GALNT13: variants seen among roughly 807,000 people sequenced by gnomAD.
GALNT13 encodes the protein UDP-GalNAc:polypeptide N-acetylgalactosaminyltransferase 13.
In GALNT13, 28 loss-of-function variants were observed where a neutral mutation model predicts 64.2. The observed-to-expected ratio is 0.44, with a 90% CI of 0.32 to 0.60. GALNT13 has a LOEUF of 0.60. GALNT13 is among the 20% of genes least tolerant of loss of function. The pLI is 0.05. For missense variants in GALNT13, 577 were observed against 669.8 expected, an observed-to-expected ratio of 0.86 and a Z score of 1.53; for synonymous variants, 214 against 224.6, an observed-to-expected ratio of 0.95 and a Z score of 0.42.
At chr2:154,298,725 T>TAA (rs1429511931) in intron 8 of GALNT13, among the ~76,000 whole-genome samples, 16 of 97,900 alleles carry the variant, frequency 1.6e-4, no homozygotes, top group African/African-American at 5.9e-4. Context: ...ATAAATTATA[T>TAA]TATTTATATA....
chr2:153,217,026 T>C, the GALNT13 span, among the ~76,000 whole-genome samples: 1 of 152,042 alleles, frequency 6.6e-6, no homozygotes, highest in African/African-American at 2.4e-5. Context: ...TTTGTGCATA[T>C]GAATAGCCAA....
the GALNT13 span, among the ~76,000 whole-genome samples, chr2:153,610,875 TGAAA>T: frequency 1.2e-4 from 18 of 151,988 alleles, 1 homozygote; most frequent in Admixed American, 9.8e-4. Context: ...ATTGTTTCAA[TGAAA>T]GAAAGAAGGA....
intron 8 of GALNT13, among the ~76,000 whole-genome samples, chr2:154,291,996 TGTCG>T (rs1692670853): frequency 6.6e-6 from 1 of 152,220 alleles, no homozygotes; most frequent in South Asian, 2.1e-4. Flanking sequence ...GCACTTTATG[TGTCG>T]TACAAGCAAG....
intron 3 of GALNT13, among the ~76,000 whole-genome samples, chr2:154,016,607 G>A (rs1216882356): frequency 6.6e-6 from 1 of 151,960 alleles, no homozygotes; most frequent in African/African-American, 2.4e-5. Flanking sequence ...TAGTAGAGAC[G>A]AGGTTTCACC....
the GALNT13 span, among the ~76,000 whole-genome samples, chr2:153,083,653 T>C: frequency 1.3e-5 from 2 of 152,164 alleles, no homozygotes; most frequent in Non-Finnish European, 2.9e-5. Flanking sequence ...TTGTCAGATG[T>C]ATGGTTAGTG....
intron 1 of GALNT13, among the ~76,000 whole-genome samples, chr2:153,885,158 C>A (rs1687087504): frequency 6.6e-6 from 1 of 152,024 alleles, no homozygotes; most frequent in Non-Finnish European, 1.5e-5. Flanking sequence ...ATAGGTCTAT[C>A]ATTTTATTGA....
chr2:153,187,043 A>G, the GALNT13 span, among the ~76,000 whole-genome samples: 4 of 152,264 alleles, frequency 2.6e-5, no homozygotes, highest in South Asian at 2.1e-4. Context: ...AGTAGAAAAT[A>G]TGAATGATGC....
chr2:153,112,950 T>C, the GALNT13 span, among the ~76,000 whole-genome samples: 1 of 152,204 alleles, frequency 6.6e-6, no homozygotes, highest in East Asian at 1.9e-4. Flanking sequence ...TGATCTGCAA[T>C]TGAAAATTGC....
intron 7 of GALNT13, among the ~76,000 whole-genome samples, chr2:154,258,355 G>A (rs377737727): frequency 3.9e-5 from 6 of 152,140 alleles, no homozygotes; most frequent in African/African-American, 1.4e-4. Flanking sequence ...TCCCTTCGAA[G>A]TGTCCTTTCA....
At chr2:153,386,696 G>A in the GALNT13 span, among the ~76,000 whole-genome samples, 4 of 152,020 alleles carry the variant, frequency 2.6e-5, no homozygotes, top group African/African-American at 9.7e-5. Context: ...TGGGGGCCAG[G>A]TCAATAAGTT....
chr2:153,991,769 C>T (rs17619192), intron 3 of GALNT13, among the ~76,000 whole-genome samples: 10,590 of 152,068 alleles, frequency 0.07, 434 homozygotes, highest in Middle Eastern at 0.13. Context: ...GGTTGTGTCA[C>T]CATCAAGAAA....
chr2:153,728,530 T>C, the GALNT13 span, among the ~76,000 whole-genome samples: 1 of 152,062 alleles, frequency 6.6e-6, no homozygotes. Flanking sequence ...TAAATGCCCA[T>C]ATCAGAAAGC....
At chr2:153,763,709 G>A in the GALNT13 span, among the ~76,000 whole-genome samples, 2 of 152,146 alleles carry the variant, frequency 1.3e-5, no homozygotes, top group African/African-American at 2.4e-5. Context: ...AGGAACTAGT[G>A]GGGTACTGCT....
At chr2:153,649,074 G>A in the GALNT13 span, among the ~76,000 whole-genome samples, 3 of 152,262 alleles carry the variant, frequency 2.0e-5, no homozygotes, top group East Asian at 1.9e-4. Flanking sequence ...GGTAGAATTT[G>A]GCTGTGAATC....
At chr2:153,953,672 A>G (rs1303915189) in intron 3 of GALNT13, among the ~76,000 whole-genome samples, 2 of 152,172 alleles carry the variant, frequency 1.3e-5, no homozygotes, top group East Asian at 1.9e-4. Flanking sequence ...ACTCTCAGAG[A>G]CATTCTACAC....
At chr2:153,298,647 T>C in the GALNT13 span, among the ~76,000 whole-genome samples, 1 of 152,216 alleles carries the variant, frequency 6.6e-6, no homozygotes, top group Admixed American at 6.5e-5. Context: ...AATAGAAAAT[T>C]CACTTTGAGC....
the GALNT13 span, among the ~76,000 whole-genome samples, chr2:153,711,186 C>T: frequency 6.6e-6 from 1 of 152,020 alleles, no homozygotes; most frequent in Non-Finnish European, 1.5e-5. Context: ...AATTACTAAG[C>T]TCAGGATGCT....
the GALNT13 span, among the ~76,000 whole-genome samples, chr2:153,534,150 T>C: frequency 6.6e-6 from 1 of 152,212 alleles, no homozygotes; most frequent in East Asian, 1.9e-4. Context: ...CCCTGTCTGA[T>C]AATTCCAACC....
At position 154,301,483 on chromosome 2, in the gene GALNT13, A is replaced by G. The variant is rs747679717; in HGVS notation, c.1050A>G (p.Pro350=). Reference sequence around the variant, plus strand: ...GTCATGTTTTTCGGAAGGCAACTCCATACACTTTTCCTGGTGGCACTGGTC... The same window carrying G: ...GTCATGTTTTTCGGAAGGCAACTCCGTACACTTTTCCTGGTGGCACTGGTC... ...HVGHVFRKAT[P]YTFPGGTGHV... is the part of the protein sequence containing the mutation. Residue 350 remains proline (P), a synonymous_variant, in exon 9 of 13, where the codon CCA becomes CCG. Coordinates refer to ENST00000392825, the MANE Select transcript of GALNT13 (RefSeq NM_052917.4). 1.3e-5 allele frequency: 21 copies of G among 1,613,836 alleles called. No homozygotes were observed. The highest frequency in any genetic ancestry group is 1.5e-5 in the Non-Finnish European group (18 of 1,179,870).
Sources: allele counts gnomAD v4.1 joint callset (sites outside exome capture counted in the v4.1 genomes callset), GRCh38; gene constraint gnomAD v4.1.1; transcripts MANE v1.5; gene names NCBI Gene and HGNC (gene_info 2026-07-23, HGNC 2026-07-21).